The following ASTN2 variants were observed in gnomAD, a reference collection of about 807,000 sequenced individuals.
The protein encoded by ASTN2 is astrotactin-2.
Under a neutral mutation model 139.8 loss-of-function variants are expected in ASTN2, and 54 were observed. The ratio of observed to expected loss-of-function variants is 0.39; its 90% CI spans 0.31 to 0.48. The LOEUF (loss-of-function observed/expected upper bound fraction) is 0.48, where lower values mean the gene tolerates loss of function less well. ASTN2 is among the 20% of genes least tolerant of loss of function. The probability of loss-of-function intolerance (pLI) is 0.95; values close to 1 mark genes in which losing one functional copy is unlikely to be tolerated. For synonymous variants in ASTN2, 756 were observed against 719.5 expected, an observed-to-expected ratio of 1.05 and a Z score of -0.81; for missense variants, 1,565 against 1,725.1, an observed-to-expected ratio of 0.91 and a Z score of 1.64.
At chr9:117,062,358 C>G (rs534149102) in intron 5 of ASTN2, among the ~76,000 whole-genome samples, 6 of 152,294 alleles carry the variant, frequency 3.9e-5, no homozygotes, top group Non-Finnish European at 7.3e-5. Context: ...AGCTTTTTCC[C>G]CCAATAGCCC....
At chr9:117,264,205 T>C (rs1833891036) in intron 2 of ASTN2, among the ~76,000 whole-genome samples, 1 of 152,202 alleles carries the variant, frequency 6.6e-6, no homozygotes, top group Non-Finnish European at 1.5e-5. Flanking sequence ...GTTATTTCTC[T>C]GGTCCAATCT....
At chr9:117,003,136 G>A (rs976628194) in intron 7 of ASTN2, among the ~76,000 whole-genome samples, 3 of 152,200 alleles carry the variant, frequency 2.0e-5, no homozygotes, top group Non-Finnish European at 4.4e-5. Context: ...AATACAGGCA[G>A]AAGATGAGGT....
At chr9:117,355,885 T>C (rs1393817991) in intron 1 of ASTN2, among the ~76,000 whole-genome samples, 2 of 152,110 alleles carry the variant, frequency 1.3e-5, no homozygotes, top group Admixed American at 6.6e-5. Flanking sequence ...GGCATGCTTG[T>C]CCATTCCAAG....
chr9:116,597,763 G>A (rs1209285841), intron 19 of ASTN2, among the ~76,000 whole-genome samples: 1 of 152,098 alleles, frequency 6.6e-6, no homozygotes, highest in Non-Finnish European at 1.5e-5. Context: ...TCTACATTGG[G>A]TAGAGGGCTG....
At chr9:116,454,735 T>C (rs2060499012) in intron 20 of ASTN2, among the ~76,000 whole-genome samples, 1 of 152,198 alleles carries the variant, frequency 6.6e-6, no homozygotes, top group African/African-American at 2.4e-5. Flanking sequence ...TCATGTCCTT[T>C]GTAGGGACAT....
chr9:116,969,631 C>A (rs1266949556), intron 10 of ASTN2, among the ~76,000 whole-genome samples: 1 of 152,112 alleles, frequency 6.6e-6, no homozygotes, highest in African/African-American at 2.4e-5. Context: ...CATTTGGGAG[C>A]ATATAAACCT....
At chr9:116,492,085 C>CTT (rs796673453) in intron 19 of ASTN2, among the ~76,000 whole-genome samples, 1,752 of 143,180 alleles carry the variant, frequency 0.012, 29 homozygotes, top group African/African-American at 0.042. Flanking sequence ...GTTTTTCTCT[C>CTT]TTTTTTTTTT....
Position 117,352,255 on chromosome 9 carries a change from C to T in ASTN2, c.443-60742G>A, listed in dbSNP as rs1320577041. 3.9e-5 allele frequency among the ~76,000 whole-genome samples: 6 copies of T among 152,150 alleles called. No individual in the cohort carries two copies. In the South Asian group the frequency reaches 1.2e-3, roughly 32 times the overall value. ...CCAAGTCATAATCTTCTTATGACTT[C>T]ATCTACCTTTAAAATGTCAAGTACT... On this transcript the variant is annotated intron_variant, in intron 1 of 22. Coordinates refer to ENST00000313400, the MANE Select transcript of ASTN2 (RefSeq NM_001365068.1).
chr9:116,586,827 T>TAC (rs1491353959), intron 19 of ASTN2, among the ~76,000 whole-genome samples: 8,016 of 136,444 alleles, frequency 0.059, 366 homozygotes, highest in Non-Finnish European at 0.086. Context: ...CACACACACA[T>TAC]ACATACACAC....
At chr9:116,641,944 C>T (rs1388919693) in intron 17 of ASTN2, among the ~76,000 whole-genome samples, 1 of 151,648 alleles carries the variant, frequency 6.6e-6, no homozygotes, top group Admixed American at 6.6e-5. Flanking sequence ...AGGAAGTGAC[C>T]CACAATAGCA....
chr9:116,920,086 T>C (rs1327750595), intron 10 of ASTN2, among the ~76,000 whole-genome samples: 1 of 152,220 alleles, frequency 6.6e-6, no homozygotes, highest in African/African-American at 2.4e-5. Context: ...GCCTCCTTGG[T>C]ATTCTGTGTA....
intron 13 of ASTN2, among the ~76,000 whole-genome samples, chr9:116,774,351 A>T (rs968803163): frequency 1.3e-5 from 2 of 152,202 alleles, no homozygotes; most frequent in Non-Finnish European, 2.9e-5. Context: ...GCCAAGAAAT[A>T]TTCATCAGGG....
chr9:116,484,696 T>C (rs1464325737), intron 20 of ASTN2, among the ~76,000 whole-genome samples: 2 of 151,816 alleles, frequency 1.3e-5, no homozygotes, highest in African/African-American at 2.4e-5. Context: ...ATAAATAAAA[T>C]AGAGAAGTGT....
intron 11 of ASTN2, among the ~76,000 whole-genome samples, chr9:116,862,807 TACACACACACACAC>T (rs751612533): frequency 2.2e-5 from 2 of 90,918 alleles, no homozygotes; most frequent in African/African-American, 4.3e-5. Context: ...CACACACAAA[TACACACACACACAC>T]ACACACACAC....
chr9:117,135,742 C>T (rs1255685222), intron 4 of ASTN2, among the ~76,000 whole-genome samples: 1 of 152,132 alleles, frequency 6.6e-6, no homozygotes. Context: ...TGAGAAAATG[C>T]TTCACAGAGC....
intron 1 of ASTN2, among the ~76,000 whole-genome samples, chr9:117,293,749 G>A (rs1564130656): frequency 6.6e-6 from 1 of 152,220 alleles, no homozygotes; most frequent in South Asian, 2.1e-4. Context: ...CCAAGGCAAG[G>A]TGAAGACATT....
chr9:117,294,940 T>G (rs1834691574), intron 1 of ASTN2, among the ~76,000 whole-genome samples: 1 of 152,250 alleles, frequency 6.6e-6, no homozygotes, highest in Admixed American at 6.5e-5. Flanking sequence ...AAGCTGTGCC[T>G]GTCCACTCTA....
intron 7 of ASTN2, among the ~76,000 whole-genome samples, chr9:117,005,228 G>A (rs1471531716): frequency 6.8e-6 from 1 of 148,018 alleles, no homozygotes; most frequent in Non-Finnish European, 1.5e-5. Flanking sequence ...AGGACTACAA[G>A]CATGTGCCAC....
At chr9:116,937,040 A>G (rs936585752) in intron 10 of ASTN2, among the ~76,000 whole-genome samples, 15 of 152,170 alleles carry the variant, frequency 9.9e-5, no homozygotes, top group African/African-American at 3.6e-4. Context: ...TTATAAACAC[A>G]GGCCTGGTAA....
Sources: gnomAD v4.1 joint callset for allele counts (sites outside exome capture counted in the v4.1 genomes callset) on GRCh38, gnomAD v4.1.1 for gene constraint, MANE v1.5 for transcripts, NCBI Gene and HGNC (gene_info 2026-07-23, HGNC 2026-07-21) for gene names.